The following STK10 variants were observed in gnomAD, a reference collection of about 807,000 sequenced individuals.
STK10 encodes the protein serine/threonine kinase 10, also known as serine/threonine-protein kinase 10.
STK10 carries 78 observed loss-of-function variants against 113.8 expected under a neutral mutation model. That is an observed-to-expected ratio of 0.69 (90% CI 0.57 to 0.83). STK10 has a LOEUF of 0.83. Ranked by LOEUF, STK10 falls within the 40% of genes least tolerant of loss-of-function variation. The probability of loss-of-function intolerance (pLI) is 0.00; values close to 1 mark genes in which losing one functional copy is unlikely to be tolerated. For missense variants in STK10, 1,109 were observed against 1,280.1 expected (o/e 0.87, Z 2.04); for synonymous variants, 465 against 494.7 (o/e 0.94, Z 0.80).
At chr5:172,149,239 G>A (rs76729047) in intron 2 of STK10, among the ~76,000 whole-genome samples, 4,402 of 152,318 alleles carry the variant, frequency 0.029, 153 homozygotes, top group East Asian at 0.11. Context: ...CCCGGCACAG[G>A]CCTAGCACAG....
intron 2 of STK10, among the ~76,000 whole-genome samples, chr5:172,136,260 C>A (rs968616094): frequency 2.0e-5 from 3 of 152,088 alleles, no homozygotes; most frequent in Admixed American, 2.0e-4. Context: ...AAACAGAAGA[C>A]CTGAATAGAT....
In STK10 at chr5:172,064,752, T is replaced by C. The variant is rs367724546; in HGVS notation, c.2050A>G (p.Met684Val). ...QQRKESMKQK[M>V]EEHTQKKQLL... ...TGCTTTTTCTGCGTGTGCTCCTCCA[T>C]CTTCTGCTTCATGCTTTCCTTCCGC... The change falls in exon 13 of 19, where the codon ATG becomes GTG. Residue 684 changes from methionine to valine, a missense_variant. By Grantham distance (21) the Met-to-Val change is conservative. Transcript: ENST00000176763. 5.1e-5 allele frequency: 82 copies of C among 1,614,040 alleles called. No homozygotes were observed. Among genetic ancestry groups the C allele is most frequent in the Admixed American group, 1.7e-5 (1 of 60,002 alleles).
chr5:172,077,986 C>T (rs1581143655), intron 12 of STK10, among the ~76,000 whole-genome samples: 1 of 142,122 alleles, frequency 7.0e-6, no homozygotes, highest in African/African-American at 2.9e-5. Context: ...GGCTGCTCAC[C>T]TGGTGGGGGG....
chr5:172,045,417 T>A (rs1339025968), intron 18 of STK10: 1 of 461,788 alleles, frequency 2.2e-6, no homozygotes, highest in Non-Finnish European at 4.3e-6. Context: ...TTTTTCAAAA[T>A]ACACATGCCT....
intron 2 of STK10, among the ~76,000 whole-genome samples, chr5:172,140,916 A>G (rs1268208794): frequency 2.6e-5 from 4 of 152,154 alleles, no homozygotes; most frequent in African/African-American, 9.7e-5. Context: ...ATGTACACAC[A>G]ATGGATCCCT....
At chr5:172,102,823 T>C (rs1769019779) in intron 7 of STK10, among the ~76,000 whole-genome samples, 1 of 147,772 alleles carries the variant, frequency 6.8e-6, no homozygotes, top group East Asian at 2.0e-4. Context: ...AAATGTTACA[T>C]ACAAAATCTC....
intron 1 of STK10, among the ~76,000 whole-genome samples, chr5:172,160,387 A>G (rs990051730): frequency 3.3e-5 from 5 of 151,532 alleles, no homozygotes; most frequent in Admixed American, 6.6e-5. Context: ...ATGTGGGAGA[A>G]CTGCTTGAAC....
chr5:172,129,834 G>A (rs1439686583), intron 2 of STK10, among the ~76,000 whole-genome samples: 1 of 152,220 alleles, frequency 6.6e-6, no homozygotes, highest in East Asian at 1.9e-4. Context: ...GGCGACCTGT[G>A]AGATGGGGAT....
chr5:172,059,514 A>C (rs1427785475), intron 14 of STK10, among the ~76,000 whole-genome samples: 1 of 151,832 alleles, frequency 6.6e-6, no homozygotes, highest in Admixed American at 6.6e-5. Flanking sequence ...ATACCCCATG[A>C]AACTGCACCT....
intron 4 of STK10, chr5:172,114,607 C>G (rs1337548220): frequency 6.7e-6 from 1 of 148,570 alleles, no homozygotes; most frequent in Non-Finnish European, 1.5e-5. Flanking sequence ...CTCAGCCTCC[C>G]GAGTAGCTGG....
chr5:172,074,803 G>A (rs1390968911), intron 12 of STK10, among the ~76,000 whole-genome samples: 1 of 152,198 alleles, frequency 6.6e-6, no homozygotes, highest in Admixed American at 6.5e-5. Context: ...CGGATCACTT[G>A]AGGTCAGGAG....
At position 172,080,211 on chromosome 5, in the gene STK10, T is replaced by C. The variant is rs527369145; in HGVS notation, c.1989+2115A>G. 5.9e-5 allele frequency among the ~76,000 whole-genome samples: 9 copies of C among 152,238 alleles called. No individual in the cohort carries two copies. In the South Asian group the frequency reaches 1.7e-3, roughly 28 times the overall value. ...TAAGACAGCAAACTTAATCAATAAG[T>C]GTTGAATGTGATCTGACTGCTCCAC... On this transcript the variant is annotated intron_variant, in intron 12 of 18. Coordinates refer to ENST00000176763, the MANE Select transcript of STK10 (RefSeq NM_005990.4).
chr5:172,045,403 T>C (rs968494297), intron 18 of STK10: 23 of 470,352 alleles, frequency 4.9e-5, no homozygotes, highest in Non-Finnish European at 4.6e-5. Context: ...TGTCAGAAGT[T>C]TTTTTTTTCA....
At chr5:172,091,531 CTTTTTTTT>C (rs778673700) in intron 9 of STK10, among the ~76,000 whole-genome samples, 1 of 131,892 alleles carries the variant, frequency 7.6e-6, no homozygotes, top group African/African-American at 3.0e-5. Flanking sequence ...TTCAAAGCCT[CTTTTTTTT>C]TTTTTTTTTG....
intron 2 of STK10, among the ~76,000 whole-genome samples, chr5:172,130,681 A>C (rs1240053904): frequency 6.6e-6 from 1 of 152,146 alleles, no homozygotes; most frequent in Admixed American, 6.5e-5. Context: ...AATTGACTAC[A>C]TGACCCTGGA....
chr5:172,119,284 G>A (rs1289037797), intron 3 of STK10, among the ~76,000 whole-genome samples: 3 of 152,174 alleles, frequency 2.0e-5, no homozygotes, highest in African/African-American at 4.8e-5. Context: ...AAAGTGACTC[G>A]AGGTCAGAGG....
rs913915563 is a variant in STK10, at chr5:172,127,126, C to T, written c.370+247G>A. Among the ~76,000 whole-genome samples the T allele has an allele frequency of 4.6e-5, 7 of 151,926 alleles. No individual in the cohort carries two copies. In the East Asian group the frequency reaches 5.8e-4, roughly 13 times the overall value. On this transcript the variant is annotated intron_variant, in intron 3 of 18. Coordinates refer to ENST00000176763, the MANE Select transcript of STK10 (RefSeq NM_005990.4). ...GAGGCTGCAGTGAGTGAGCTGAGAT[C>T]GCACCACTGCATTCCAGCCTGGGCA...
chr5:172,159,359 C>T (rs867469072), intron 1 of STK10, among the ~76,000 whole-genome samples: 17 of 152,092 alleles, frequency 1.1e-4, no homozygotes, highest in African/African-American at 3.6e-4. Context: ...GGCAACAGAG[C>T]GAAATCCCGC....
intron 15 of STK10, 112 bp downstream of exon 15, chr5:172,057,237 G>A (rs1008908736): frequency 1.8e-5 from 27 of 1,467,996 alleles, no homozygotes; most frequent in East Asian, 2.5e-5. Flanking sequence ...CCTCTTGGGG[G>A]CACTTGTCAT....
Sources: allele counts gnomAD v4.1 joint callset (sites outside exome capture counted in the v4.1 genomes callset), GRCh38; gene constraint gnomAD v4.1.1; transcripts MANE v1.5; gene names NCBI Gene and HGNC (gene_info 2026-07-23, HGNC 2026-07-21).